Variants in MYO19 observed in about 807,000 individuals in gnomAD.
MYO19 encodes the protein myosin XIX.
MYO19 carries 132 observed loss-of-function variants against 129.2 expected under a neutral mutation model. The observed-to-expected ratio is 1.02, with a 90% CI of 0.89 to 1.18. MYO19 has a LOEUF of 1.18. Among genes scored for constraint, MYO19 ranks in the 50% most tolerant of loss-of-function variants. MYO19 has a pLI of 0.00. For synonymous variants in MYO19, 531 were observed against 477.2 expected (o/e 1.11, Z -1.47); for missense variants, 1,210 against 1,216.7 (o/e 0.99, Z 0.08).
At position 36,512,823 on chromosome 17, in the gene MYO19, CAA is replaced by C. The variant is rs758865944; in HGVS notation, c.894+604_894+605del. 30 of 1,263,268 alleles carry C rather than the reference CAA, an allele frequency of 2.4e-5. No homozygotes were observed. In the South Asian group the frequency reaches 3.7e-4, roughly 15 times the overall value. 78.3% of individuals were successfully genotyped at this position (1,263,268 alleles called of 1,614,324 possible). A position where few individuals can be genotyped will look rare whatever the true frequency, so the allele number is the denominator to read the frequency against. On this transcript the variant is annotated intron_variant, in intron 11 of 25. Transcript: ENST00000614623. ...GAGAGGAGGTAGTCAGCTCTGTCAGCAAAGACAGAAGGGAGGCCCCCCTAGTG... is the reference window on the plus strand; with the variant it reads ...GAGAGGAGGTAGTCAGCTCTGTCAGCAGACAGAAGGGAGGCCCCCCTAGTG...
At chr17:36,537,824 C>T (rs764733103), upstream of MYO19, 44 of 1,613,870 alleles carry the variant, frequency 2.7e-5, no homozygotes, top group African/African-American at 4.0e-5. Flanking sequence ...TTTTCTTTAC[C>T]ATAATAGTTG....
At chr17:36,505,126 T>C (rs761213790) in intron 19 of MYO19, 171 bp downstream of exon 19, 1 of 775,342 alleles carries the variant, frequency 1.3e-6, no homozygotes, top group Non-Finnish European at 2.3e-6. Flanking sequence ...CACACAACCA[T>C]ACATGCCTGC....
At chr17:36,497,603 T>TTA in intron 25 of MYO19, 1 of 864,522 alleles carries the variant, frequency 1.2e-6, no homozygotes, top group Non-Finnish European at 1.4e-6. Flanking sequence ...TTTTTTTTTT[T>TTA]AGATGGACTC....
upstream of MYO19, chr17:36,537,709 T>G (rs12952744): frequency 2.2e-5 from 36 of 1,614,178 alleles, no homozygotes; most frequent in Middle Eastern, 3.3e-4. Context: ...ACAAACTCAT[T>G]GTACTCTGTT....
chr17:36,512,897 G>A lies in MYO19; in HGVS notation c.894+532C>T, dbSNP rs981228947. ...ACCTGGGGCAGTCTCATGTTCCAGAGGACGACGGGGCACGGGTTGGGGGAA... is the reference window on the plus strand; with the variant it reads ...ACCTGGGGCAGTCTCATGTTCCAGAAGACGACGGGGCACGGGTTGGGGGAA... On this transcript the variant is annotated intron_variant, in intron 11 of 25. Transcript: ENST00000614623. 19 of 1,054,326 alleles carry A rather than the reference G, an allele frequency of 1.8e-5. No homozygotes were observed. The Admixed American group carries it at 6.9e-4, about 38-fold the overall frequency. 65.3% of individuals were successfully genotyped at this position (1,054,326 alleles called of 1,614,324 possible). A position where few individuals can be genotyped will look rare whatever the true frequency, so the allele number is the denominator to read the frequency against.
intron 3 of MYO19, among the ~76,000 whole-genome samples, chr17:36,529,792 G>A (rs1020026385): frequency 1.3e-5 from 2 of 152,180 alleles, no homozygotes; most frequent in African/African-American, 4.8e-5. Flanking sequence ...AGAGGCATCT[G>A]AGTATAGTGA....
In MYO19 at chr17:36,510,910, G is replaced by A. The variant is rs777702611; in HGVS notation, c.993C>T (p.Val331=). 1.3e-6 allele frequency: 2 copies of A among 1,573,888 alleles called. No individual in the cohort carries two copies. The highest frequency in any genetic ancestry group is 8.6e-7 in the Non-Finnish European group (1 of 1,159,310). ...CQPMDDAKYS[V]RTAASLLGLP... ...GCCCCAGCAGCGAGGCTGCCGTCCT[G>A]ACAGAGTCTGGGAGGGGCAAATCCT... The change falls in exon 13 of 26, where the codon GTC becomes GTT. Residue 331 remains valine (V), a synonymous_variant. Transcript: ENST00000614623.
At chr17:36,509,258 C>A in intron 13 of MYO19, 123 bp from the exon 14 acceptor site, 1 of 775,322 alleles carries the variant, frequency 1.3e-6, no homozygotes, top group South Asian at 1.5e-5. Flanking sequence ...CCTGACAGGT[C>A]AAAGACCAAA....
Position 36,507,047 on chromosome 17 carries a change from C to A in MYO19, c.1560G>T (p.Lys520Asn). ...CAATGAAGCTGGGCTCCCGGCTGAG[C>A]TTATTGTGGCCCAGGCAGGGGCTGC... ...LAGSPCLGHN[K>N]LSREPSFIVV... The change falls in exon 17 of 26, where the codon AAG (lysine) becomes AAT (asparagine). Residue 520 changes from lysine to asparagine, a missense_variant. Physicochemically the swap from Lys to Asn is moderately conservative, Grantham distance 94. Transcript: ENST00000614623. The A allele has an allele frequency of 6.2e-7, 1 of 1,613,700 alleles. No homozygotes were observed. Among genetic ancestry groups the A allele is most frequent in the South Asian group, 1.1e-5 (1 of 91,080 alleles).
chr17:36,503,232 T>G lies in MYO19; in HGVS notation c.1977-32A>C, dbSNP rs549614433. 3,498 of 1,551,666 alleles carry G rather than the reference T, an allele frequency of 2.3e-3. 114 individuals carry two copies. The South Asian group carries it at 0.038, about 17-fold the overall frequency. ...GCCAAAGCAGGCAGAAGTAGAGAAT[T>G]ACTTCATCTGTGAGCCAGGTTAACG... On this transcript the variant is annotated intron_variant, in intron 20 of 25. Transcript: ENST00000614623.
At position 36,528,218 on chromosome 17, in the gene MYO19, T is replaced by C. The variant is rs1274303496; in HGVS notation, c.13-16A>G. The C allele has an allele frequency of 1.3e-6, 2 of 1,557,938 alleles. No individual in the cohort carries two copies. The highest frequency in any genetic ancestry group is 1.7e-6 in the Non-Finnish European group (2 of 1,150,410). The stretch of plus-strand genomic sequence containing the variant: ...GGCCATTGACCTGGAAGAGATAACG[T>C]GAAGGTGAGGCCAGGCACAGTGGCT... On this transcript the variant is annotated splice_polypyrimidine_tract_variant and intron_variant, in intron 3 of 25. Coordinates refer to ENST00000614623, the MANE Select transcript of MYO19 (RefSeq NM_001163735.2).
At position 36,510,735 on chromosome 17, in the gene MYO19, T is replaced by G. The variant is rs1358401785; in HGVS notation, c.1157+11A>C. The G allele has an allele frequency of 1.9e-6, 3 of 1,586,086 alleles. No individual in the cohort carries two copies. Among genetic ancestry groups the G allele is most frequent in the Non-Finnish European group, 2.6e-6 (3 of 1,161,962 alleles). ...GGTCCTCCCCAACAAGGGGCCAGAG[T>G]AACTGCTCACCGCGCATAGATCAGT... is the stretch of plus-strand genomic sequence containing the variant. On this transcript the variant is annotated intron_variant, in intron 13 of 25. Transcript: ENST00000614623.
intron 1 of MYO19, among the ~76,000 whole-genome samples, chr17:36,542,902 GAC>G (rs1251458819): frequency 6.6e-6 from 1 of 151,480 alleles, no homozygotes; most frequent in Non-Finnish European, 1.5e-5. Flanking sequence ...TTTTAGTAGA[GAC>G]AGGTTTTCTC....
In MYO19 at chr17:36,498,439, G is replaced by C. The variant is rs368292066; in HGVS notation, c.2584C>G (p.Arg862Gly). The change falls in exon 25 of 26, where the codon CGC becomes GGC. Residue 862 changes from arginine to glycine, a missense_variant. Arg to Gly is a moderately radical substitution (Grantham distance 125, BLOSUM62 -2). Transcript: ENST00000614623. Reference sequence around the variant, plus strand: ...AGGACCAGTCCCAGGGGCCAGAGGCGGATTATTGCCTCCAGGAGCCTGGTC... The same window carrying C: ...AGGACCAGTCCCAGGGGCCAGAGGCCGATTATTGCCTCCAGGAGCCTGGTC... ...LQTRLLEAIIRLWPLGLVLAN... is the reference protein window; with the variant it reads ...LQTRLLEAIIGLWPLGLVLAN... The C allele has an allele frequency of 1.2e-6, 2 of 1,613,984 alleles. No homozygotes were observed. Among genetic ancestry groups the C allele is most frequent in the Admixed American group, 3.3e-5 (2 of 60,016 alleles).
chr17:36,531,685 G>C (rs1452974806), intron 3 of MYO19, among the ~76,000 whole-genome samples: 1 of 151,982 alleles, frequency 6.6e-6, no homozygotes, highest in Admixed American at 6.6e-5. Flanking sequence ...CCTGTTCCAG[G>C]AGCCATATGG....
upstream of MYO19, chr17:36,537,351 C>G (rs2074155888): frequency 6.2e-7 from 1 of 1,613,896 alleles, no homozygotes; most frequent in Non-Finnish European, 8.5e-7. Context: ...CCTTGAGCTT[C>G]TCGGTGTAAT....
chr17:36,522,804 G>A (rs144380103), intron 6 of MYO19, among the ~76,000 whole-genome samples: 564 of 152,092 alleles, frequency 3.7e-3, no homozygotes, highest in African/African-American at 0.013. Flanking sequence ...TCAGGAGATC[G>A]AGACCATCCT....
chr17:36,502,985 G>A (rs755929061), intron 21 of MYO19, 112 bp downstream of exon 21: 9 of 869,158 alleles, frequency 1.0e-5, no homozygotes, highest in Non-Finnish European at 1.7e-5. Context: ...CCAAAACCAG[G>A]GCTGTGTTTT....
At chr17:36,515,076 C>G in intron 8 of MYO19, 37 bp downstream of exon 8, 1 of 1,574,920 alleles carries the variant, frequency 6.3e-7, no homozygotes, top group Non-Finnish European at 8.6e-7. Context: ...CTCCCCAGTC[C>G]CATCCTCCCA....
Sources: gnomAD v4.1 joint callset for allele counts (sites outside exome capture counted in the v4.1 genomes callset) on GRCh38, gnomAD v4.1.1 for gene constraint, MANE v1.5 for transcripts, NCBI Gene and HGNC (gene_info 2026-07-23, HGNC 2026-07-21) for gene names.